PSPC1: variants seen among roughly 807,000 people sequenced by gnomAD.
PSPC1 encodes the protein paraspeckle protein 1.
In PSPC1, 14 loss-of-function variants were observed where a neutral mutation model predicts 51.6. That is an observed-to-expected ratio of 0.27 (90% CI 0.18 to 0.42). The LOEUF is 0.42. Ranked by LOEUF, PSPC1 falls within the 10% of genes least tolerant of loss-of-function variation. PSPC1 has a pLI of 1.00. For missense variants in PSPC1, 406 were observed against 701.1 expected, an observed-to-expected ratio of 0.58 and a Z score of 4.75; for synonymous variants, 193 against 231.9, an observed-to-expected ratio of 0.83 and a Z score of 1.53.
intron 4 of PSPC1, among the ~76,000 whole-genome samples, chr13:19,750,392 A>G (rs1273715379): frequency 6.6e-6 from 1 of 151,940 alleles, no homozygotes; most frequent in Non-Finnish European, 1.5e-5. Flanking sequence ...ATATGGCGCC[A>G]CTGCACTCCA....
chr13:19,689,382 C>T (rs1878297536), intron 6 of PSPC1, among the ~76,000 whole-genome samples: 1 of 152,146 alleles, frequency 6.6e-6, no homozygotes, highest in Admixed American at 6.5e-5. Context: ...ATATTTCATA[C>T]TATAGATTAG....
chr13:19,696,512 C>CACAT (rs1383500454), intron 6 of PSPC1, among the ~76,000 whole-genome samples: 1 of 148,988 alleles, frequency 6.7e-6, no homozygotes, highest in East Asian at 1.9e-4. Flanking sequence ...CACACACACA[C>CACAT]ACATACGCAC....
intron 7 of PSPC1, among the ~76,000 whole-genome samples, chr13:19,708,805 C>T (rs1316657098): frequency 6.6e-6 from 1 of 152,212 alleles, no homozygotes; most frequent in East Asian, 1.9e-4. Flanking sequence ...ATGTATAAAA[C>T]GCTCTCCACC....
At chr13:19,758,383 A>AAAG (rs55684417) in intron 3 of PSPC1, among the ~76,000 whole-genome samples, 141,332 of 152,076 alleles carry the variant, frequency 0.93, 66,589 homozygotes, top group East Asian at 1. Flanking sequence ...TGAAAAGGGA[A>AAAG]AATAAACATA....
chr13:19,759,617 T>C (rs779287949), intron 2 of PSPC1, among the ~76,000 whole-genome samples, 199 bp from the exon 3 acceptor site: 1 of 152,152 alleles, frequency 6.6e-6, no homozygotes, highest in Non-Finnish European at 1.5e-5. Flanking sequence ...TCCCAGTACT[T>C]TGGGAGGCCA....
intron 3 of PSPC1, among the ~76,000 whole-genome samples, chr13:19,756,803 G>A (rs1486964813): frequency 6.6e-6 from 1 of 151,916 alleles, no homozygotes; most frequent in Non-Finnish European, 1.5e-5. Flanking sequence ...CCCTAAGAAA[G>A]CGTTTTATGG....
At chr13:19,745,855 A>G (rs1387503980) in intron 4 of PSPC1, among the ~76,000 whole-genome samples, 1 of 152,128 alleles carries the variant, frequency 6.6e-6, no homozygotes, top group African/African-American at 2.4e-5. Context: ...TCCTGTCGGC[A>G]TTAATGTTCT....
Position 19,777,419 on chromosome 13 carries a change from G to A in PSPC1, c.373-4876C>T, listed in dbSNP as rs1889272698. On this transcript the variant is annotated intron_variant, in intron 1 of 8. Coordinates refer to ENST00000338910, the MANE Select transcript of PSPC1 (RefSeq NM_001354909.2). ...CACTCCAGCCTGGGCGACACAGCAA[G>A]ACCTCAGCTCAAAAAAAAAAAAAAA... is the stretch of plus-strand genomic sequence containing the variant. 3.9e-5 allele frequency among the ~76,000 whole-genome samples: 4 copies of A among 101,644 alleles called. No homozygotes were observed. The Admixed American group carries it at 4.5e-4, about 11-fold the overall frequency. The allele number at this position is 101,644 out of a possible 152,430, so 66.7% of individuals were successfully genotyped here.
chr13:19,780,706 C>T (rs1406410862), intron 1 of PSPC1, among the ~76,000 whole-genome samples: 1 of 144,612 alleles, frequency 6.9e-6, no homozygotes, highest in African/African-American at 2.5e-5. Flanking sequence ...CTAGGAAAAC[C>T]AGAGACCTTT....
At chr13:19,771,463 G>A (rs998618625) in intron 2 of PSPC1, among the ~76,000 whole-genome samples, 1 of 151,924 alleles carries the variant, frequency 6.6e-6, no homozygotes, top group Non-Finnish European at 1.5e-5. Context: ...TTTGAGACAA[G>A]GTCACTCGGT....
At chr13:19,683,683 T>C (rs1376634404) in intron 6 of PSPC1, among the ~76,000 whole-genome samples, 1 of 152,134 alleles carries the variant, frequency 6.6e-6, no homozygotes, top group Admixed American at 6.5e-5. Context: ...AACTCAACGT[T>C]GAGAAATAAA....
At chr13:19,678,588 T>A (rs1314912304) in intron 6 of PSPC1, 1 of 152,172 alleles carries the variant, frequency 6.6e-6, no homozygotes, top group East Asian at 1.9e-4. Flanking sequence ...GGACTCAATT[T>A]GCCTGAGAAT....
intron 6 of PSPC1, among the ~76,000 whole-genome samples, chr13:19,714,257 A>G (rs1881810172): frequency 6.6e-6 from 1 of 152,210 alleles, no homozygotes; most frequent in African/African-American, 2.4e-5. Flanking sequence ...TTTTTCACAG[A>G]ACAAGGTTTT....
At chr13:19,726,592 GT>G (rs1883379834) in intron 6 of PSPC1, among the ~76,000 whole-genome samples, 1 of 152,154 alleles carries the variant, frequency 6.6e-6, no homozygotes, top group South Asian at 2.1e-4. Flanking sequence ...CTCCTTGAGT[GT>G]TTATTACGTA....
chr13:19,671,251 A>G (rs758360328), downstream of PSPC1: 5 of 1,614,066 alleles, frequency 3.1e-6, no homozygotes, highest in Non-Finnish European at 4.2e-6. Flanking sequence ...AGGTCCCAAT[A>G]AACTCTTCAT....
downstream of PSPC1, among the ~76,000 whole-genome samples, chr13:19,701,282 A>G (rs1373349850): frequency 1.3e-5 from 2 of 151,434 alleles, no homozygotes; most frequent in African/African-American, 4.9e-5. Flanking sequence ...AGTGAAATAC[A>G]ATGCTAAAAA....
chr13:19,729,216 A>C (rs939334529), intron 6 of PSPC1, among the ~76,000 whole-genome samples: 4 of 152,174 alleles, frequency 2.6e-5, no homozygotes, highest in Non-Finnish European at 4.4e-5. Flanking sequence ...CTATAAGCAT[A>C]ATCTTATGAA....
intron 1 of PSPC1, among the ~76,000 whole-genome samples, chr13:19,778,330 T>C (rs1239474143): frequency 1.3e-5 from 2 of 150,002 alleles, no homozygotes; most frequent in Non-Finnish European, 3.0e-5. Context: ...ACCATGTAAT[T>C]ACAATTTTCT....
At chr13:19,758,969 G>GT (rs944031302) in intron 3 of PSPC1, among the ~76,000 whole-genome samples, 1 of 151,668 alleles carries the variant, frequency 6.6e-6, no homozygotes, top group African/African-American at 2.4e-5. Context: ...AAAAAAATTA[G>GT]TATGTTTTAC....
Sources: gnomAD v4.1 joint callset for allele counts (sites outside exome capture counted in the v4.1 genomes callset) on GRCh38, gnomAD v4.1.1 for gene constraint, MANE v1.5 for transcripts, NCBI Gene and HGNC (gene_info 2026-07-23, HGNC 2026-07-21) for gene names.